Variants in GFRAL observed in about 807,000 individuals in gnomAD.
The protein encoded by GFRAL is GDNF family receptor alpha like.
Under a neutral mutation model 45.4 loss-of-function variants are expected in GFRAL, and 36 were observed. The ratio of observed to expected loss-of-function variants is 0.79; its 90% CI spans 0.61 to 1.05. The LOEUF (loss-of-function observed/expected upper bound fraction) is 1.05. GFRAL is among the 50% of genes least tolerant of loss of function. The pLI is 0.00. For missense variants in GFRAL, 507 were observed against 467.5 expected (o/e 1.08, Z -0.78); for synonymous variants, 166 against 154.1 (o/e 1.08, Z -0.57).
At position 55,359,056 on chromosome 6, in the gene GFRAL, A is replaced by T. The variant is rs746935914; in HGVS notation, c.870A>T (p.Gln290His). 4 of 1,612,212 alleles carry T rather than the reference A, an allele frequency of 2.5e-6. No homozygotes were observed. In the African/African-American group the frequency reaches 5.3e-5, roughly 22 times the overall value. ...IDILGTVLQVQCTCRTITQSE... is the reference protein window; with the variant it reads ...IDILGTVLQVHCTCRTITQSE... ...TCCTTGGGACGGTCCTTCAAGTGCA[A>T]TGTACCTGTAGGACCATTACACAAA... Residue 290 changes from glutamine (Q) to histidine (H), a missense_variant, in exon 6 of 9, where the codon CAA becomes CAT. By Grantham distance (24) the Gln-to-His change is conservative. Transcript: ENST00000340465.
chr6:55,333,222 A>G (rs1045374743), intron 2 of GFRAL, among the ~76,000 whole-genome samples: 6 of 152,140 alleles, frequency 3.9e-5, no homozygotes, highest in Admixed American at 3.3e-4. Flanking sequence ...TATTCAGAAT[A>G]ATAAATAAAA....
chr6:55,388,858 T>A (rs1157132613), intron 6 of GFRAL, among the ~76,000 whole-genome samples: 1 of 152,180 alleles, frequency 6.6e-6, no homozygotes, highest in Admixed American at 6.5e-5. Flanking sequence ...TACCAGCTTA[T>A]TTTTAAAGGA....
chr6:55,346,840 C>CG (rs1554187948), intron 3 of GFRAL, among the ~76,000 whole-genome samples: 1 of 78,020 alleles, frequency 1.3e-5, no homozygotes, highest in African/African-American at 4.0e-5. Flanking sequence ...ATCCCCCCCC[C>CG]CCAAAAAAAA....
chr6:55,394,880 T>G (rs1768801438), intron 6 of GFRAL, among the ~76,000 whole-genome samples: 1 of 151,932 alleles, frequency 6.6e-6, no homozygotes, highest in African/African-American at 2.4e-5. Context: ...CTAAATACTT[T>G]TTGAGGAAAG....
chr6:55,355,656 T>C (rs2127356355), intron 5 of GFRAL, among the ~76,000 whole-genome samples: 1 of 152,080 alleles, frequency 6.6e-6, no homozygotes, highest in South Asian at 2.1e-4. Context: ...AATATAAAAT[T>C]ATATAATCTG....
chr6:55,333,628 T>G (rs545564565), intron 2 of GFRAL, among the ~76,000 whole-genome samples, 158 bp from the exon 3 acceptor site: 3 of 152,174 alleles, frequency 2.0e-5, no homozygotes, highest in African/African-American at 7.2e-5. Context: ...TACAGGTTTT[T>G]CATAAAATGT....
chr6:55,375,424 T>G (rs1184103727), intron 6 of GFRAL, among the ~76,000 whole-genome samples: 1 of 152,150 alleles, frequency 6.6e-6, no homozygotes, highest in Non-Finnish European at 1.5e-5. Context: ...GCTCTCTGCT[T>G]GTCTGTTGTT....
Position 55,327,584 on chromosome 6 carries a change from A to G in GFRAL, c.22+8A>G. ...TAGTGTTTATTTTCTTGGGTAAGTGAATGGTGCTTCTGGTTTATCTGAATT... is the reference window on the plus strand; with the variant it reads ...TAGTGTTTATTTTCTTGGGTAAGTGGATGGTGCTTCTGGTTTATCTGAATT... On this transcript the variant is annotated splice_region_variant and intron_variant, in intron 1 of 8. Coordinates refer to ENST00000340465, the MANE Select transcript of GFRAL (RefSeq NM_207410.2). The G allele has an allele frequency of 6.2e-7, 1 of 1,612,008 alleles. No individual in the cohort carries two copies. Among genetic ancestry groups the G allele is most frequent in the Non-Finnish European group, 8.5e-7 (1 of 1,178,350 alleles).
intron 3 of GFRAL, among the ~76,000 whole-genome samples, chr6:55,346,020 T>A (rs1458936438): frequency 8.6e-5 from 13 of 152,044 alleles, no homozygotes; most frequent in Non-Finnish European, 1.8e-4. Flanking sequence ...AGAATGGCGA[T>A]CATTAAAAAA....
At chr6:55,383,509 A>ACAGTATT (rs1220253078) in intron 6 of GFRAL, among the ~76,000 whole-genome samples, 2 of 152,108 alleles carry the variant, frequency 1.3e-5, no homozygotes, top group East Asian at 1.9e-4. Context: ...CACGTTGACT[A>ACAGTATT]CAGTATTCAG....
chr6:55,360,171 A>G (rs1359682468), intron 6 of GFRAL, among the ~76,000 whole-genome samples: 1 of 151,972 alleles, frequency 6.6e-6, no homozygotes, highest in Non-Finnish European at 1.5e-5. Context: ...TAAGGATGTG[A>G]TCATGTAATA....
rs988484988 is a variant in GFRAL at position 55,402,099 on chromosome 6, T to C, written c.*246T>C. The C allele has an allele frequency of 3.0e-5, 5 of 166,264 alleles. No homozygotes were observed. The East Asian group carries it at 5.2e-4, about 17-fold the overall frequency. The allele number at this position is 166,264 out of a possible 1,614,324, so 10.3% of individuals were successfully genotyped here. ...TCAAGTGATTTTCCTGCCTCAGCCT[T>C]CCCGAGTAGCTGGGATTACAGGTAC... On this transcript the variant is annotated 3_prime_UTR_variant, in exon 9 of 9. Coordinates refer to ENST00000340465, the MANE Select transcript of GFRAL (RefSeq NM_207410.2).
chr6:55,371,850 A>G (rs1444391261), intron 6 of GFRAL, among the ~76,000 whole-genome samples: 1 of 152,186 alleles, frequency 6.6e-6, no homozygotes, highest in Non-Finnish European at 1.5e-5. Context: ...AGGAAAAAAA[A>G]CAGACACAAA....
At chr6:55,355,939 G>A (rs187027157) in intron 5 of GFRAL, among the ~76,000 whole-genome samples, 2 of 151,920 alleles carry the variant, frequency 1.3e-5, no homozygotes, top group South Asian at 2.1e-4. Context: ...ATGAAGGAAC[G>A]TAGAGAACTT....
In GFRAL at chr6:55,402,367, A is replaced by T. The variant is rs1018128620; in HGVS notation, c.*514A>T. The T allele has an allele frequency of 3.3e-5, 5 of 152,236 alleles. No individual in the cohort carries two copies. Among genetic ancestry groups the T allele is most frequent in the African/African-American group, 1.2e-4 (5 of 41,454 alleles). 9.4% of individuals were successfully genotyped at this position (152,236 alleles called of 1,614,324 possible). ...AGAAAGAAAATGTTAAAATAGACTT[A>T]AAAATATTGCTTTGTTACATATAAT... is the stretch of plus-strand genomic sequence containing the variant. On this transcript the variant is annotated 3_prime_UTR_variant, in exon 9 of 9. Coordinates refer to ENST00000340465, the MANE Select transcript of GFRAL (RefSeq NM_207410.2).
chr6:55,366,224 G>A (rs1160980160), intron 6 of GFRAL, among the ~76,000 whole-genome samples: 1 of 151,916 alleles, frequency 6.6e-6, no homozygotes, highest in Non-Finnish European at 1.5e-5. Flanking sequence ...TAGTTTATTT[G>A]TGTAGAGGTG....
In GFRAL at chr6:55,367,185, C is replaced by T. The variant is rs1322250659; in HGVS notation, c.952+8047C>T. On this transcript the variant is annotated intron_variant, in intron 6 of 8. Transcript: ENST00000340465. ...TCTTCTTGTTGAATTGATCCCTTTA[C>T]CATTATGTAATGGCCTTCTTTCTCT... is the stretch of plus-strand genomic sequence containing the variant. Among the ~76,000 whole-genome samples the T allele has an allele frequency of 7.6e-5, 9 of 118,298 alleles. 1 individual carries two copies. The highest frequency in any genetic ancestry group is 1.6e-4 in the Non-Finnish European group (9 of 58,062). The allele number at this position is 118,298 out of a possible 152,430, so 77.6% of individuals were successfully genotyped here. A position where few individuals can be genotyped will look rare whatever the true frequency, so the allele number is the denominator to read the frequency against.
intron 6 of GFRAL, among the ~76,000 whole-genome samples, chr6:55,381,734 C>G (rs757404169): frequency 1.3e-5 from 2 of 151,770 alleles, no homozygotes; most frequent in African/African-American, 4.8e-5. Context: ...TTACTATTAT[C>G]TGATCACTGA....
At chr6:55,338,899 A>C (rs981356906) in intron 3 of GFRAL, among the ~76,000 whole-genome samples, 3 of 152,184 alleles carry the variant, frequency 2.0e-5, no homozygotes, top group Admixed American at 6.5e-5. Flanking sequence ...ATGAGGAGCT[A>C]TTACATATTT....
Sources: gnomAD v4.1 joint callset for allele counts (sites outside exome capture counted in the v4.1 genomes callset) on GRCh38, gnomAD v4.1.1 for gene constraint, MANE v1.5 for transcripts, NCBI Gene and HGNC (gene_info 2026-07-23, HGNC 2026-07-21) for gene names.